TTN: variants seen among roughly 807,000 people sequenced by gnomAD.
TTN encodes the protein connectin.
TTN carries 1,525 observed loss-of-function variants against 3,223.0 expected under a neutral mutation model. That is an observed-to-expected ratio of 0.47 (90% CI 0.45 to 0.49). The LOEUF is 0.49. Ranked by LOEUF, TTN falls within the 20% of genes least tolerant of loss-of-function variation. The pLI is 0.00. For synonymous variants in TTN, 14,094 were observed against 15,161.0 expected (o/e 0.93, Z 5.17); for missense variants, 40,786 against 43,424.0 (o/e 0.94, Z 5.40).
At position 178,533,203 on chromosome 2, in the gene TTN, C is replaced by T. The variant is rs149391616; in HGVS notation, c.103412G>A (p.Arg34471Gln). Residue 34471 changes from arginine (R) to glutamine (Q), a missense_variant, in exon 358 of 363, where the codon CGA becomes CAA. Coordinates refer to ENST00000589042, the MANE Select transcript of TTN (RefSeq NM_001267550.2). The stretch of plus-strand genomic sequence containing the variant: ...TTTGTCAATTTGTTTTTGTACGTGT[C>T]GCTCATGCTCCTCCTTACTCTTGAA... Reference protein sequence around the residue: ...QEFKSKEEHERHVQKQIDKTL... With the variant: ...QEFKSKEEHEQHVQKQIDKTL... The T allele has an allele frequency of 1.7e-4, 270 of 1,613,882 alleles. 1 individual carries two copies. The East Asian group carries it at 4.1e-3, about 25-fold the overall frequency.
At chr2:178,788,705 G>A (rs1280729164) in intron 13 of TTN, among the ~76,000 whole-genome samples, 1 of 151,980 alleles carries the variant, frequency 6.6e-6, no homozygotes, top group Non-Finnish European at 1.5e-5. Context: ...TTTAATTCAT[G>A]GATATTTCAT....
chr2:178,685,636 TG>T, intron 127 of TTN, 38 bp from the exon 128 acceptor site: 3 of 1,580,394 alleles, frequency 1.9e-6, no homozygotes, highest in Non-Finnish European at 2.6e-6. Flanking sequence ...TAAATTACAG[TG>T]TTTTTCATGT....
Position 178,569,102 on chromosome 2 carries a change from G to A in TTN, c.77030C>T (p.Ala25677Val). 1 of 1,613,372 alleles carries A rather than the reference G, an allele frequency of 6.2e-7. No homozygotes were observed. Among genetic ancestry groups the A allele is most frequent in the African/African-American group, 1.3e-5 (1 of 74,976 alleles). ...AAGGCCAATACCATACTCATTCTCA[G>A]CTGTGACTCTAAAGTAATAACTGCA... The part of the protein sequence containing the change: ...EGCSYYFRVT[A>V]ENEYGIGLPA... The change falls in exon 326 of 363, where the codon GCT (alanine) becomes GTT (valine). Residue 25677 changes from alanine to valine, a missense_variant. Physicochemically the swap from Ala to Val is moderately conservative, Grantham distance 64 (BLOSUM62 0). Transcript: ENST00000589042.
Position 178,794,395 on chromosome 2 carries a change from G to C in TTN, c.1398+4C>G. The stretch of plus-strand genomic sequence containing the variant: ...CGGGTGCCCCATGGCAGCCTCGCAC[G>C]TACCTGTTCTTGAGCAGGTTGGATG... On this transcript the variant is annotated splice_donor_region_variant and intron_variant, in intron 8 of 362. Coordinates refer to ENST00000589042, the MANE Select transcript of TTN (RefSeq NM_001267550.2). 2 of 1,614,070 alleles carry C rather than the reference G, an allele frequency of 1.2e-6. No homozygotes were observed. The highest frequency in any genetic ancestry group is 1.7e-6 in the Non-Finnish European group (2 of 1,179,990).
At position 178,785,630 on chromosome 2, in the gene TTN, T is replaced by C. The variant is rs780218568; in HGVS notation, c.2483A>G (p.His828Arg). The change falls in exon 15 of 363, where the codon CAT becomes CGT. Residue 828 changes from histidine (H) to arginine (R), a missense_variant. By Grantham distance (29) the His-to-Arg change is conservative (BLOSUM62 0). Coordinates refer to ENST00000589042, the MANE Select transcript of TTN (RefSeq NM_001267550.2). ...VSKISVPKTE[H>R]GYEASIAGSA... ...TCTGTAACTTCTTACCTCATATCCA[T>C]GTTCTGTCTTAGGAACAGAAATTTT... The C allele has an allele frequency of 3.1e-6, 5 of 1,614,126 alleles. No individual in the cohort carries two copies. The African/African-American group carries it at 5.3e-5, about 17-fold the overall frequency.
chr2:178,780,988 A>G, intron 21 of TTN, 133 bp downstream of exon 21: 1 of 1,181,554 alleles, frequency 8.5e-7, no homozygotes, highest in Non-Finnish European at 1.2e-6. Context: ...TTTTCCATAC[A>G]ACTGAGGCAA....
Position 178,578,903 on chromosome 2 carries a change from A to C in TTN, c.68127T>G (p.His22709Gln). Residue 22709 changes from histidine (H) to glutamine (Q), a missense_variant, in exon 320 of 363, where the codon CAT becomes CAG. By Grantham distance (24) the His-to-Gln change is conservative. Transcript: ENST00000589042. ...CCCTGAAGGTATATTCCATGCCCTCATGAAGTCTGGTTACTCTAAAGGTGG... is the reference window on the plus strand; with the variant it reads ...CCCTGAAGGTATATTCCATGCCCTCCTGAAGTCTGGTTACTCTAAAGGTGG... ...QKTTFRVTRL[H>Q]EGMEYTFRVS... 6.2e-7 allele frequency: 1 copy of C among 1,613,308 alleles called. No individual in the cohort carries two copies. The highest frequency in any genetic ancestry group is 2.2e-5 in the East Asian group (1 of 44,778).
intron 220 of TTN, 143 bp downstream of exon 220, chr2:178,641,098 A>T: frequency 1.7e-6 from 1 of 587,464 alleles, no homozygotes; most frequent in Non-Finnish European, 2.9e-6. Flanking sequence ...CAGAAAGCAG[A>T]CAATGGAAAA....
chr2:178,578,505 G>C, intron 321 of TTN, 106 bp downstream of exon 321: 1 of 852,116 alleles, frequency 1.2e-6, no homozygotes, highest in South Asian at 1.7e-5. Context: ...ACACATTTCT[G>C]TATAAGCAGA....
Position 178,712,030 on chromosome 2 carries a change from A to C in TTN, c.27800T>G (p.Val9267Gly). The change falls in exon 96 of 363, where the codon GTT (valine) becomes GGT (glycine). Residue 9267 changes from valine (V) to glycine (G), a missense_variant. Transcript: ENST00000589042. The part of the protein sequence containing the change: ...NNVATLVFNQ[V>G]DINDSGEYIC... ...ATATTCTCCACTATCATTAATATCA[A>C]CCTGGTTGAAAACCAGTGTAGCAAC... The C allele has an allele frequency of 6.2e-7, 1 of 1,613,846 alleles. No individual in the cohort carries two copies. Among genetic ancestry groups the C allele is most frequent in the Admixed American group, 1.7e-5 (1 of 60,010 alleles).
rs1405048004 is a variant in TTN at position 178,725,311 on chromosome 2, CTT to C, written c.20836+55_20836+56del. On this transcript the variant is annotated intron_variant, in intron 71 of 362. Transcript: ENST00000589042. ...TCAGAAAAAGAATCTGCCAGTAACTCTTAGTAATTCATTCCAGCATTTGGCAC... is the reference window on the plus strand; with the variant it reads ...TCAGAAAAAGAATCTGCCAGTAACTCAGTAATTCATTCCAGCATTTGGCAC... The C allele has an allele frequency of 2.5e-5, 35 of 1,411,304 alleles. 1 individual carries two copies. The East Asian group carries it at 8.3e-4, about 34-fold the overall frequency. The allele number at this position is 1,411,304 out of a possible 1,614,324, so 87.4% of individuals were successfully genotyped here.
Position 178,620,300 on chromosome 2 carries a change from G to A in TTN, c.46221C>T (p.Asp15407=), listed in dbSNP as rs370808856. 25 of 1,568,816 alleles carry A rather than the reference G, an allele frequency of 1.6e-5. No individual in the cohort carries two copies. In the Admixed American group the frequency reaches 2.2e-4, roughly 14 times the overall value. Residue 15407 remains aspartate, a synonymous_variant, in exon 248 of 363, where the codon GAC becomes GAT. Coordinates refer to ENST00000589042, the MANE Select transcript of TTN (RefSeq NM_001267550.2). ...TGGAGAGCTGGCAGGAGAAGACAGCGTCATCGAACTCAGTGACTGTCTGAT... is the reference window on the plus strand; with the variant it reads ...TGGAGAGCTGGCAGGAGAAGACAGCATCATCGAACTCAGTGACTGTCTGAT... The part of the protein sequence containing the change: ...LEDQTVTEFD[D]AVFSCQLSRE...
Position 178,723,077 on chromosome 2 carries a change from C to T in TTN, c.21930G>A (p.Arg7310=), listed in dbSNP as rs1484263306. Reference sequence around the variant, plus strand: ...TAGATACCAGAGCTCCACAAACATCCCTTCCTGCCTCATTTTCAATCTCGC... The same window carrying T: ...TAGATACCAGAGCTCCACAAACATCTCTTCCTGCCTCATTTTCAATCTCGC... The part of the protein sequence containing the change: ...YSCEIENEAG[R]DVCGALVSTL... Residue 7310 remains arginine (R), a synonymous_variant, in exon 75 of 363, where the codon AGG becomes AGA. Transcript: ENST00000589042. 3 of 1,613,496 alleles carry T rather than the reference C, an allele frequency of 1.9e-6. No individual in the cohort carries two copies. The highest frequency in any genetic ancestry group is 2.2e-5 in the East Asian group (1 of 44,880).
intron 218 of TTN, 70 bp downstream of exon 218, chr2:178,644,478 G>A (rs1161674975): frequency 1.8e-5 from 20 of 1,123,612 alleles, no homozygotes; most frequent in South Asian, 3.3e-5. Context: ...ACATTCGATG[G>A]AGGCAGAAAG....
Position 178,729,047 on chromosome 2 carries a change from T to G in TTN, c.18991A>C (p.Ile6331Leu), listed in dbSNP as rs1198892837. ...ISITWLKDDQ[I>L]LDEDDNVYIS... ...TAGACATTATCATCTTCATCAAGAA[T>G]CTGATCATCCTTTAGCCAGGTTATA... The change falls in exon 65 of 363, where the codon ATT becomes CTT. Residue 6331 changes from isoleucine to leucine, a missense_variant. Physicochemically the swap from Ile to Leu is conservative, Grantham distance 5. Coordinates refer to ENST00000589042, the MANE Select transcript of TTN (RefSeq NM_001267550.2). 6 of 1,612,770 alleles carry G rather than the reference T, an allele frequency of 3.7e-6. No individual in the cohort carries two copies. Among genetic ancestry groups the G allele is most frequent in the Non-Finnish European group, 4.2e-6 (5 of 1,179,428 alleles).
rs1173478702 is a variant in TTN at position 178,574,702 on chromosome 2, T to G, written c.71430A>C (p.Gly23810=). ...RVKAQNRYGV[G]PGITSACIVA... is the part of the protein sequence containing the mutation. ...CTATGCATGCTGATGTGATGCCTGG[T>G]CCAACTCCATATCTATTCTGAGCTT... The change falls in exon 326 of 363, where the codon GGA becomes GGC. Residue 23810 remains glycine (G), a synonymous_variant. Coordinates refer to ENST00000589042, the MANE Select transcript of TTN (RefSeq NM_001267550.2). 1.2e-6 allele frequency: 2 copies of G among 1,613,222 alleles called. No individual in the cohort carries two copies. The highest frequency in any genetic ancestry group is 1.7e-6 in the Non-Finnish European group (2 of 1,179,580).
intron 47 of TTN, 88 bp from the exon 48 acceptor site, chr2:178,742,009 C>A: frequency 1.0e-6 from 1 of 970,948 alleles, no homozygotes; most frequent in Non-Finnish European, 1.4e-6. Flanking sequence ...CAGTTGATGG[C>A]CTTCTTCTGC....
At chr2:178,645,833 G>T in intron 217 of TTN, 87 bp downstream of exon 217, 1 of 806,854 alleles carries the variant, frequency 1.2e-6, no homozygotes, top group Non-Finnish European at 1.9e-6. Flanking sequence ...ACTTCTAAAA[G>T]TCATACATTT....
At chr2:178,713,034 A>C in intron 93 of TTN, 51 bp downstream of exon 93, 1 of 1,605,216 alleles carries the variant, frequency 6.2e-7, no homozygotes, top group Non-Finnish European at 8.5e-7. Context: ...TATGACAAAC[A>C]TGCTTAATAA....
Sources: allele counts gnomAD v4.1 joint callset (sites outside exome capture counted in the v4.1 genomes callset), GRCh38; gene constraint gnomAD v4.1.1; transcripts MANE v1.5; gene names NCBI Gene and HGNC (gene_info 2026-07-23, HGNC 2026-07-21).